Variants in RAD51 observed in about 807,000 individuals in gnomAD.
RAD51 encodes the protein DNA repair protein RAD51 homolog 1.
Under a neutral mutation model 41.5 loss-of-function variants are expected in RAD51, and 14 were observed. That is an observed-to-expected ratio of 0.34 (90% CI 0.22 to 0.53). The LOEUF (loss-of-function observed/expected upper bound fraction) is 0.53, where lower values mean the gene tolerates loss of function less well. Ranked by LOEUF, RAD51 falls within the 20% of genes least tolerant of loss-of-function variation. The probability of loss-of-function intolerance (pLI) is 0.95; values close to 1 mark genes in which losing one functional copy is unlikely to be tolerated. For missense variants in RAD51, 234 were observed against 422.0 expected, an observed-to-expected ratio of 0.55 and a Z score of 3.90; for synonymous variants, 136 against 148.6, an observed-to-expected ratio of 0.92 and a Z score of 0.62.
chr15:40,697,443 T>C (rs1484383651), intron 1 of RAD51, among the ~76,000 whole-genome samples: 2 of 152,098 alleles, frequency 1.3e-5, no homozygotes, highest in Non-Finnish European at 2.9e-5. Flanking sequence ...TTCAGTCTTT[T>C]CCTTTTTGGC....
chr15:40,715,387 C>CA (rs1895938047), intron 5 of RAD51, among the ~76,000 whole-genome samples: 1 of 151,878 alleles, frequency 6.6e-6, no homozygotes, highest in East Asian at 1.9e-4. Context: ...AACCACAAAA[C>CA]AAAAAAATCA....
intron 5 of RAD51, among the ~76,000 whole-genome samples, chr15:40,710,241 C>CAAAAAAAAAAAAAAAAAA (rs71104728): frequency 2.3e-5 from 1 of 44,302 alleles, no homozygotes; most frequent in Non-Finnish European, 3.5e-5. Flanking sequence ...GACTCTGTCT[C>CAAAAAAAAAAAAAAAAAA]AAAAAAAAAA....
At chr15:40,700,856 A>T (rs1451262396) in intron 2 of RAD51, among the ~76,000 whole-genome samples, 2 of 152,152 alleles carry the variant, frequency 1.3e-5, no homozygotes. Context: ...ACGCCATTTT[A>T]TATAAGGGAC....
chr15:40,716,926 T>A (rs1309688529), intron 5 of RAD51, among the ~76,000 whole-genome samples: 4 of 151,844 alleles, frequency 2.6e-5, no homozygotes, highest in African/African-American at 9.7e-5. Context: ...CCTCCCAAAG[T>A]GCTGGGATTA....
rs1029532225 is a variant in RAD51 at position 40,731,636 on chromosome 15, C to G, written c.*458C>G. On this transcript the variant is annotated 3_prime_UTR_variant, in exon 10 of 10. Coordinates refer to ENST00000267868, the MANE Select transcript of RAD51 (RefSeq NM_002875.5). The stretch of plus-strand genomic sequence containing the variant: ...TCTTTTTTTCTGTCAGTAAAACTCT[C>G]AAGCAGGTTTTTAAGTTGTCTGTCT... 4.1e-6 allele frequency: 1 copy of G among 246,464 alleles called. No individual in the cohort carries two copies. The highest frequency in any genetic ancestry group is 1.2e-4 in the South Asian group (1 of 8,050). The allele number at this position is 246,464 out of a possible 1,614,324, so 15.3% of individuals were successfully genotyped here.
chr15:40,716,881 C>T (rs952689646), intron 5 of RAD51, among the ~76,000 whole-genome samples: 12 of 151,906 alleles, frequency 7.9e-5, no homozygotes, highest in East Asian at 7.7e-4. Context: ...AGGATGGTCT[C>T]GGTCTCCTGA....
chr15:40,711,774 C>A (rs953130600), intron 5 of RAD51, among the ~76,000 whole-genome samples: 11 of 152,174 alleles, frequency 7.2e-5, no homozygotes, highest in Non-Finnish European at 1.3e-4. Context: ...TAGGAGATGA[C>A]CCTTAAAAAG....
chr15:40,728,139 C>T (rs920403575), intron 6 of RAD51, among the ~76,000 whole-genome samples: 5 of 152,056 alleles, frequency 3.3e-5, no homozygotes, highest in African/African-American at 9.7e-5. Context: ...GGATTACAGG[C>T]GTGAGCCACC....
At chr15:40,700,952 C>A in intron 2 of RAD51, 112 bp from the exon 3 acceptor site, 7 of 1,139,776 alleles carry the variant, frequency 6.1e-6, no homozygotes, top group Non-Finnish European at 8.8e-6. Flanking sequence ...TTTCAAGGGA[C>A]AGTTGTATTA....
chr15:40,719,623 G>A (rs1333538176), intron 6 of RAD51, among the ~76,000 whole-genome samples: 23 of 152,170 alleles, frequency 1.5e-4, no homozygotes, highest in Admixed American at 1.5e-3. Flanking sequence ...ACGAGGTCAG[G>A]AGATCGAAAC....
intron 6 of RAD51, among the ~76,000 whole-genome samples, chr15:40,724,861 T>TAGTAGAGACG: frequency 1.5e-4 from 21 of 142,772 alleles, no homozygotes; most frequent in African/African-American, 5.4e-4. Flanking sequence ...TTGTATTTTT[T>TAGTAGAGACG]AATTTTAATT....
intron 5 of RAD51, among the ~76,000 whole-genome samples, chr15:40,710,531 A>G (rs181233015): frequency 0.013 from 1,957 of 151,184 alleles, 31 homozygotes; most frequent in South Asian, 0.022. Context: ...AAAAGAATGA[A>G]AAAAGGAAAA....
At chr15:40,725,168 G>A (rs984072128) in intron 6 of RAD51, among the ~76,000 whole-genome samples, 1 of 151,772 alleles carries the variant, frequency 6.6e-6, no homozygotes, top group African/African-American at 2.4e-5. Flanking sequence ...CAAAGTGCTG[G>A]GATTACAGGC....
intron 5 of RAD51, among the ~76,000 whole-genome samples, chr15:40,710,661 C>T (rs1271096853): frequency 6.6e-6 from 1 of 152,168 alleles, no homozygotes; most frequent in Non-Finnish European, 1.5e-5. Context: ...ACTTCGTCTT[C>T]TGTTATCAGA....
intron 4 of RAD51, among the ~76,000 whole-genome samples, chr15:40,707,064 C>T (rs1291901119): frequency 1.3e-5 from 2 of 151,436 alleles, no homozygotes; most frequent in African/African-American, 4.9e-5. Context: ...GGTCTCAGCT[C>T]ACTGCAACCT....
At chr15:40,708,231 CTTTTTTT>C (rs1222352292) in intron 4 of RAD51, among the ~76,000 whole-genome samples, 1 of 116,206 alleles carries the variant, frequency 8.6e-6, no homozygotes, top group African/African-American at 3.4e-5. Context: ...TTGTGCCCAG[CTTTTTTT>C]TTTTTTTTTT....
chr15:40,711,335 G>A (rs576862352), intron 5 of RAD51, among the ~76,000 whole-genome samples: 1 of 152,214 alleles, frequency 6.6e-6, no homozygotes, highest in African/African-American at 2.4e-5. Flanking sequence ...GGCTGAGGTG[G>A]TAGAATCTCT....
intron 6 of RAD51, among the ~76,000 whole-genome samples, chr15:40,719,810 C>A (rs1346166963): frequency 6.8e-6 from 1 of 147,532 alleles, no homozygotes; most frequent in Non-Finnish European, 1.5e-5. Flanking sequence ...CCAGCCTGGG[C>A]GACAGAGCAA....
intron 3 of RAD51, among the ~76,000 whole-genome samples, chr15:40,702,844 A>G (rs1434641792): frequency 6.6e-6 from 1 of 150,870 alleles, no homozygotes; most frequent in African/African-American, 2.4e-5. Flanking sequence ...AAGAAAAAAA[A>G]GAAAAGTCTC....
Sources: gnomAD v4.1 joint callset for allele counts (sites outside exome capture counted in the v4.1 genomes callset) on GRCh38, gnomAD v4.1.1 for gene constraint, MANE v1.5 for transcripts, NCBI Gene and HGNC (gene_info 2026-07-23, HGNC 2026-07-21) for gene names.